The following CDK14 variants were observed in gnomAD, a reference collection of about 807,000 sequenced individuals.
The protein encoded by CDK14 is cyclin dependent kinase 14.
A neutral mutation model predicts 60.7 loss-of-function variants in CDK14; 34 were observed. The observed-to-expected ratio is 0.56, with a 90% CI of 0.43 to 0.75. The LOEUF (loss-of-function observed/expected upper bound fraction) is 0.75, where lower values mean the gene tolerates loss of function less well. CDK14 is among the 30% of genes least tolerant of loss of function. The probability of loss-of-function intolerance (pLI) is 0.00; values close to 1 mark genes in which losing one functional copy is unlikely to be tolerated. For missense variants in CDK14, 482 were observed against 564.1 expected (o/e 0.85, Z 1.47); for synonymous variants, 197 against 203.7 (o/e 0.97, Z 0.28).
intron 13 of CDK14, among the ~76,000 whole-genome samples, chr7:91,117,277 A>C (rs1799637020): frequency 1.3e-5 from 2 of 151,234 alleles, no homozygotes; most frequent in African/African-American, 4.9e-5. Context: ...TGCTACCTTC[A>C]CAGTATATCC....
intron 14 of CDK14, among the ~76,000 whole-genome samples, chr7:91,131,994 T>A (rs1800131490): frequency 8.0e-6 from 1 of 125,110 alleles, no homozygotes; most frequent in Non-Finnish European, 1.8e-5. Flanking sequence ...TTTTAGGAAG[T>A]TTTTTTGTTG....
At chr7:90,842,896 A>G (rs1790343767) in intron 5 of CDK14, among the ~76,000 whole-genome samples, 1 of 152,126 alleles carries the variant, frequency 6.6e-6, no homozygotes, top group Non-Finnish European at 1.5e-5. Flanking sequence ...AACATTTCCT[A>G]AGTTGTTGTG....
At chr7:90,751,321 A>T (rs1431008088) in intron 4 of CDK14, among the ~76,000 whole-genome samples, 2 of 152,196 alleles carry the variant, frequency 1.3e-5, no homozygotes, top group Non-Finnish European at 2.9e-5. Context: ...CTAACAGCAG[A>T]TTTCTCAGAA....
At chr7:91,204,945 C>A (rs372636987) in intron 14 of CDK14, among the ~76,000 whole-genome samples, 1,291 of 113,348 alleles carry the variant, frequency 0.011, 12 homozygotes, top group African/African-American at 0.037. Context: ...AAGACCCAGT[C>A]AAAAAAAAAA....
intron 5 of CDK14, among the ~76,000 whole-genome samples, chr7:90,836,828 GC>G (rs1449796486): frequency 4.6e-5 from 7 of 152,166 alleles, no homozygotes; most frequent in African/African-American, 1.7e-4. Flanking sequence ...ATTAGTAGGG[GC>G]TAGACATTTT....
At chr7:91,011,230 G>A (rs995285442) in intron 10 of CDK14, among the ~76,000 whole-genome samples, 3 of 151,988 alleles carry the variant, frequency 2.0e-5, no homozygotes, top group Non-Finnish European at 4.4e-5. Context: ...AATAGGTATT[G>A]TCCCTACCTG....
chr7:90,819,083 A>G (rs1405800996), intron 5 of CDK14, among the ~76,000 whole-genome samples: 1 of 152,106 alleles, frequency 6.6e-6, no homozygotes, highest in Admixed American at 6.6e-5. Flanking sequence ...TTCTTTAAGT[A>G]CAGTGATATA....
At chr7:90,617,819 T>G (rs1326088756) in intron 2 of CDK14, among the ~76,000 whole-genome samples, 1 of 152,180 alleles carries the variant, frequency 6.6e-6, no homozygotes, top group Non-Finnish European at 1.5e-5. Context: ...AAAAATTTCC[T>G]GCTAGACATG....
At chr7:90,893,542 C>T (rs936840861) in intron 6 of CDK14, among the ~76,000 whole-genome samples, 1 of 152,160 alleles carries the variant, frequency 6.6e-6, no homozygotes, top group African/African-American at 2.4e-5. Flanking sequence ...CTTTTGGCAT[C>T]ATTCTTAAGT....
At chr7:90,778,900 T>C (rs910694741) in intron 4 of CDK14, among the ~76,000 whole-genome samples, 24 of 108,036 alleles carry the variant, frequency 2.2e-4, no homozygotes, top group South Asian at 9.0e-4. Flanking sequence ...TCCTTCCTTC[T>C]TTTCTCTCTC....
chr7:90,669,460 T>C (rs1801055193), intron 2 of CDK14, among the ~76,000 whole-genome samples: 1 of 152,144 alleles, frequency 6.6e-6, no homozygotes, highest in South Asian at 2.1e-4. Flanking sequence ...TTCAGAGATG[T>C]ACACAGACCC....
At chr7:91,086,415 C>G (rs1429013402) in intron 12 of CDK14, among the ~76,000 whole-genome samples, 1 of 152,144 alleles carries the variant, frequency 6.6e-6, no homozygotes, top group East Asian at 1.9e-4. Context: ...GTCTCTCTCT[C>G]TTTTCTGTTG....
At chr7:90,652,065 C>T (rs1800657138) in intron 2 of CDK14, among the ~76,000 whole-genome samples, 1 of 152,140 alleles carries the variant, frequency 6.6e-6, no homozygotes, top group African/African-American at 2.4e-5. Context: ...CTTGCAGGAC[C>T]AGCACTTACT....
chr7:90,843,985 TAG>T (rs1273771662), intron 5 of CDK14, among the ~76,000 whole-genome samples: 3 of 152,170 alleles, frequency 2.0e-5, no homozygotes, highest in African/African-American at 7.2e-5. Context: ...CCTATTTTCA[TAG>T]AGCTGCCAAG....
rs550813541 is a variant in CDK14 at position 90,796,863 on chromosome 7, T to C, written c.544+6211T>C. On this transcript the variant is annotated intron_variant, in intron 5 of 14. Transcript: ENST00000380050. Reference sequence around the variant, plus strand: ...CCATGGTCGTTAAGAAGTTGAACCATGTATAACATTTTTGTGGAAGCGAAT... The same window carrying C: ...CCATGGTCGTTAAGAAGTTGAACCACGTATAACATTTTTGTGGAAGCGAAT... 2.6e-5 allele frequency among the ~76,000 whole-genome samples: 4 copies of C among 152,032 alleles called. No individual in the cohort carries two copies. In the East Asian group the frequency reaches 7.8e-4, roughly 30 times the overall value.
chr7:90,768,214 G>A (rs1007670409), intron 4 of CDK14, among the ~76,000 whole-genome samples: 1 of 152,220 alleles, frequency 6.6e-6, no homozygotes, highest in Non-Finnish European at 1.5e-5. Context: ...TGGTTTTGTA[G>A]AGGATGTTTA....
chr7:90,753,619 T>G (rs1172467732), intron 4 of CDK14, among the ~76,000 whole-genome samples: 1 of 152,128 alleles, frequency 6.6e-6, no homozygotes, highest in Non-Finnish European at 1.5e-5. Flanking sequence ...TAAAACATAG[T>G]ACCAGAAGTC....
intron 2 of CDK14, among the ~76,000 whole-genome samples, chr7:90,682,828 G>C (rs187344706): frequency 1.0e-3 from 154 of 152,112 alleles, no homozygotes; most frequent in African/African-American, 3.4e-3. Flanking sequence ...TTTAAAAATG[G>C]AATGTCCCTC....
At chr7:90,690,400 A>G (rs1801529911) in intron 2 of CDK14, among the ~76,000 whole-genome samples, 1 of 152,314 alleles carries the variant, frequency 6.6e-6, no homozygotes, top group African/African-American at 2.4e-5. Flanking sequence ...GGGATTAAAA[A>G]TAGTACCTGC....
Sources: allele counts gnomAD v4.1 joint callset (sites outside exome capture counted in the v4.1 genomes callset), GRCh38; gene constraint gnomAD v4.1.1; transcripts MANE v1.5; gene names NCBI Gene and HGNC (gene_info 2026-07-23, HGNC 2026-07-21).